MAP3K6: variants seen among roughly 807,000 people sequenced by gnomAD.
The protein encoded by MAP3K6 is mitogen-activated protein kinase kinase kinase 6, also known as apoptosis signal-regulating kinase 2.
In MAP3K6, 105 loss-of-function variants were observed where a neutral mutation model predicts 147.1. The observed-to-expected ratio is 0.71, with a 90% confidence interval of 0.61 to 0.84. The LOEUF is 0.84. Among genes scored for constraint, MAP3K6 ranks in the 40% least tolerant of loss-of-function variants. MAP3K6 has a pLI of 0.00. For missense variants in MAP3K6, 1,569 were observed against 1,715.0 expected (o/e 0.91, Z 1.50); for synonymous variants, 695 against 732.4 (o/e 0.95, Z 0.82).
chr1:27,355,572 G>A (rs1322431865), intron 28 of MAP3K6, 97 bp downstream of exon 28: 2 of 1,577,306 alleles, frequency 1.3e-6, no homozygotes, highest in African/African-American at 1.3e-5. Flanking sequence ...GGGGACCCAG[G>A]TGCCCCTTTG....
At position 27,357,517 on chromosome 1, in the gene MAP3K6, G is replaced by C; in HGVS notation, c.3141C>G (p.Ile1047Met). The C allele has an allele frequency of 1.2e-6, 2 of 1,613,536 alleles. No homozygotes were observed. Among genetic ancestry groups the C allele is most frequent in the Middle Eastern group, 1.7e-4 (1 of 6,058 alleles). ...CGAGCTGCCGGCGGTTGGGAGTGTG[G>C]ATGTGTGCCCCGAGGCAGCGCAGCA... ...EELLRCLGAHIHTPNRRQLAQ... is the reference protein window; with the variant it reads ...EELLRCLGAHMHTPNRRQLAQ... The change falls in exon 23 of 29, where the codon ATC becomes ATG. Residue 1047 changes from isoleucine to methionine, a missense_variant. Coordinates refer to ENST00000357582, the MANE Select transcript of MAP3K6 (RefSeq NM_004672.5).
chr1:27,365,006 G>A (rs2015927051), intron 1 of MAP3K6, 94 bp from the exon 2 acceptor site: 1 of 1,353,084 alleles, frequency 7.4e-7, no homozygotes, highest in East Asian at 2.4e-5. Context: ...CTTGCTGTGG[G>A]ACTCCAGTAG....
chr1:27,357,027 G>A lies in MAP3K6; in HGVS notation c.3346C>T (p.Leu1116=), dbSNP rs912793853. 1.9e-6 allele frequency: 3 copies of A among 1,613,866 alleles called. No individual in the cohort carries two copies. The African/African-American group carries it at 4.0e-5, about 22-fold the overall frequency. The change falls in exon 24 of 29, where the codon CTG becomes TTG. Residue 1116 remains leucine, a synonymous_variant. Coordinates refer to ENST00000357582, the MANE Select transcript of MAP3K6 (RefSeq NM_004672.5). ...CTCCTACCCGGTCCTAGCACACCCA[G>A]GGCTGCCCGCACAGCACGGCTGAGC... is the stretch of plus-strand genomic sequence containing the variant. The part of the protein sequence containing the change: ...SLLSRAVRAA[L]GVLGPEVEKE...
intron 26 of MAP3K6, 129 bp downstream of exon 26, chr1:27,356,259 A>G: frequency 9.1e-7 from 1 of 1,102,944 alleles, no homozygotes; most frequent in Non-Finnish European, 1.3e-6. Context: ...CCTCGAACCC[A>G]CCAATAATGT....
chr1:27,357,992 T>C, intron 21 of MAP3K6, 116 bp from the exon 22 acceptor site: 4 of 1,473,086 alleles, frequency 2.7e-6, no homozygotes, highest in Non-Finnish European at 3.6e-6. Context: ...GGCATGAACA[T>C]AGATAAACCC....
Position 27,362,127 on chromosome 1 carries a change from G to A in MAP3K6, c.1379C>T (p.Ala460Val). 7 of 1,613,624 alleles carry A rather than the reference G, an allele frequency of 4.3e-6. No homozygotes were observed. Among genetic ancestry groups the A allele is most frequent in the Non-Finnish European group, 5.9e-6 (7 of 1,179,876 alleles). ...LANDPTQVVL[A>V]AEQLYKLNAP... ...ATTGAGCTTATACAGCTGCTCTGCA[G>A]CCAGCACCACCTGGGTGGGGTCATT... The change falls in exon 9 of 29, where the codon GCT becomes GTT. Residue 460 changes from alanine to valine, a missense_variant. Coordinates refer to ENST00000357582, the MANE Select transcript of MAP3K6 (RefSeq NM_004672.5).
chr1:27,359,548 T>C lies in MAP3K6; in HGVS notation c.2320-26A>G. The C allele has an allele frequency of 1.2e-6, 2 of 1,613,890 alleles. No homozygotes were observed. The highest frequency in any genetic ancestry group is 1.1e-5 in the South Asian group (1 of 91,056). ...CTGATTGACAGCCATTAGTGGACACTGGTCTGGGCCCCTGCCAGCAGAAGT... is the reference window on the plus strand; with the variant it reads ...CTGATTGACAGCCATTAGTGGACACCGGTCTGGGCCCCTGCCAGCAGAAGT... On this transcript the variant is annotated intron_variant, in intron 17 of 28. Coordinates refer to ENST00000357582, the MANE Select transcript of MAP3K6 (RefSeq NM_004672.5). This position sits in a 1 kb window ranked among gnomAD's most constrained non-coding sequence, Gnocchi z 4.4.
rs768222940 is a variant in MAP3K6 at position 27,358,687 on chromosome 1, GC to G, written c.2583+21del. 2.5e-6 allele frequency: 4 copies of G among 1,613,576 alleles called. No homozygotes were observed. The highest frequency in any genetic ancestry group is 3.4e-6 in the Non-Finnish European group (4 of 1,179,968). ...GGCTGGCCCTATGCCACTTCCATGG[GC>G]CAGGCCCAAAGAGGTCTCACCTGAA... is the stretch of plus-strand genomic sequence containing the variant. On this transcript the variant is annotated intron_variant, in intron 19 of 28. Transcript: ENST00000357582. This position sits in a 1 kb window ranked among gnomAD's most constrained non-coding sequence, Gnocchi z 6.2.
At position 27,364,481 on chromosome 1, in the gene MAP3K6, G is replaced by A; in HGVS notation, c.505-87C>T. The A allele has an allele frequency of 4.5e-6, 7 of 1,562,892 alleles. No individual in the cohort carries two copies. The South Asian group carries it at 7.8e-5, about 18-fold the overall frequency. The stretch of plus-strand genomic sequence containing the variant: ...GTGAGAGCATCAAAGGTCAGCATCA[G>A]TGGGAATTGGAATCGCAGGAAAGGG... On this transcript the variant is annotated intron_variant, in intron 3 of 28. Transcript: ENST00000357582. This position sits in a 1 kb window ranked among gnomAD's most constrained non-coding sequence, Gnocchi z 4.4.
chr1:27,356,524 T>G, intron 25 of MAP3K6, 24 bp from the exon 26 acceptor site: 1 of 1,612,414 alleles, frequency 6.2e-7, no homozygotes, highest in Non-Finnish European at 8.5e-7. Flanking sequence ...AAGAGTAGAA[T>G]GGAGCGGTGA....
At position 27,361,689 on chromosome 1, in the gene MAP3K6, C is replaced by T. The variant is rs2015778816; in HGVS notation, c.1578+16G>A. 2.5e-6 allele frequency: 4 copies of T among 1,613,796 alleles called. No individual in the cohort carries two copies. Among genetic ancestry groups the T allele is most frequent in the East Asian group, 4.5e-5 (2 of 44,876 alleles). ...GCTTACCCCTTTCCCGGGTCCACCACCCCTACAGGCCTCACCAAGCACTGG... is the reference window on the plus strand; with the variant it reads ...GCTTACCCCTTTCCCGGGTCCACCATCCCTACAGGCCTCACCAAGCACTGG... On this transcript the variant is annotated intron_variant, in intron 10 of 28. Transcript: ENST00000357582.
rs2015672070 is a variant in MAP3K6, at chr1:27,359,721, A to T, written c.2319+137T>A. On this transcript the variant is annotated intron_variant, in intron 17 of 28. Coordinates refer to ENST00000357582, the MANE Select transcript of MAP3K6 (RefSeq NM_004672.5). This position sits in a 1 kb window ranked among gnomAD's most constrained non-coding sequence, Gnocchi z 4.4. Reference sequence around the variant, plus strand: ...AGCTGAACCTTTCCCCTCCTTCTCTAAGGAGCCTCCCTGATGAATTCCCTA... The same window carrying T: ...AGCTGAACCTTTCCCCTCCTTCTCTTAGGAGCCTCCCTGATGAATTCCCTA... The T allele has an allele frequency of 7.0e-7, 1 of 1,419,360 alleles. No individual in the cohort carries two copies. Among genetic ancestry groups the T allele is most frequent in the Admixed American group, 2.1e-5 (1 of 48,134 alleles). The allele number at this position is 1,419,360 out of a possible 1,614,324, so 87.9% of individuals were successfully genotyped here.
chr1:27,364,860 G>A lies in MAP3K6; in HGVS notation c.393C>T (p.Tyr131=). 1.2e-6 allele frequency: 2 copies of A among 1,611,872 alleles called. No homozygotes were observed. The highest frequency in any genetic ancestry group is 2.2e-5 in the South Asian group (2 of 90,956). The stretch of plus-strand genomic sequence containing the variant: ...TGAAGCTCTCACGCACACCAAGGTG[G>A]TAGAACAGGGAGGGCTGTACCAGCG... ...SSSLVQPSLF[Y]HLGVRESFSM... Residue 131 remains tyrosine (Y), a synonymous_variant, in exon 2 of 29, where the codon TAC becomes TAT. Coordinates refer to ENST00000357582, the MANE Select transcript of MAP3K6 (RefSeq NM_004672.5). The surrounding 1 kb of genome is among the most constrained non-coding windows in gnomAD (Gnocchi z 4.4).
At position 27,360,712 on chromosome 1, in the gene MAP3K6, C is replaced by G; in HGVS notation, c.2047G>C (p.Asp683His). The G allele has an allele frequency of 6.2e-7, 1 of 1,611,628 alleles. No homozygotes were observed. ...CGCTGCCACGCACCGCACCTGCTGT[C>G]CCGCTCCGGGATCTCCTTGATGGCG... ...RIAIKEIPER[D>H]SRFSQPLHEE... is the part of the protein sequence containing the mutation. The change falls in exon 15 of 29, where the codon GAC (aspartate) becomes CAC (histidine). Residue 683 changes from aspartate to histidine, a missense_variant. By Grantham distance (81) the Asp-to-His change is moderately conservative. Coordinates refer to ENST00000357582, the MANE Select transcript of MAP3K6 (RefSeq NM_004672.5). The surrounding 1 kb of genome is among the most constrained non-coding windows in gnomAD (Gnocchi z 4.5).
In MAP3K6 at chr1:27,360,907, T is replaced by G; in HGVS notation, c.1920+14A>C. On this transcript the variant is annotated intron_variant, in intron 14 of 28. Transcript: ENST00000357582. The surrounding 1 kb of genome is among the most constrained non-coding windows in gnomAD (Gnocchi z 4.5). ...CCCCTCGCCCTCCGCGAGCTCCCAG[T>G]CCCGCGTCCTCACCTCCAACATCTC... 1 of 1,607,878 alleles carries G rather than the reference T, an allele frequency of 6.2e-7. No homozygotes were observed. Among genetic ancestry groups the G allele is most frequent in the Non-Finnish European group, 8.5e-7 (1 of 1,176,786 alleles).
At position 27,364,390 on chromosome 1, in the gene MAP3K6, C is replaced by A; in HGVS notation, c.509G>T (p.Cys170Phe). 2 of 1,613,830 alleles carry A rather than the reference C, an allele frequency of 1.2e-6. No homozygotes were observed. The highest frequency in any genetic ancestry group is 1.7e-6 in the Non-Finnish European group (2 of 1,179,886). ...GGGGATCAGTGTGTAGCTGCCAACGCAATCCTGGTGGGAGGGAGGCAGGAA... is the reference window on the plus strand; with the variant it reads ...GGGGATCAGTGTGTAGCTGCCAACGAAATCCTGGTGGGAGGGAGGCAGGAA... ...REDVFQKNSDCVGSYTLIPYV... is the reference protein window; with the variant it reads ...REDVFQKNSDFVGSYTLIPYV... The change falls in exon 4 of 29, where the codon TGC (cysteine) becomes TTC (phenylalanine). Residue 170 changes from cysteine (C) to phenylalanine (F), a missense_variant. Cys to Phe is a radical substitution (Grantham distance 205). Transcript: ENST00000357582. This position sits in a 1 kb window ranked among gnomAD's most constrained non-coding sequence, Gnocchi z 4.4.
At position 27,358,787 on chromosome 1, in the gene MAP3K6, C is replaced by T. The variant is rs762052444; in HGVS notation, c.2505G>A (p.Leu835=). 1 of 1,613,750 alleles carries T rather than the reference C, an allele frequency of 6.2e-7. No individual in the cohort carries two copies. The highest frequency in any genetic ancestry group is 1.1e-5 in the South Asian group (1 of 91,032). Residue 835 remains leucine (L), a synonymous_variant, in exon 19 of 29, where the codon CTG becomes CTA. Coordinates refer to ENST00000357582, the MANE Select transcript of MAP3K6 (RefSeq NM_004672.5). This position sits in a 1 kb window ranked among gnomAD's most constrained non-coding sequence, Gnocchi z 6.2. ...TGGCCATCTCAATGACAGTGCAGCCCAGTGACCAGATGTCAGCTGCTTTCC... is the reference window on the plus strand; with the variant it reads ...TGGCCATCTCAATGACAGTGCAGCCTAGTGACCAGATGTCAGCTGCTTTCC... ...GYGKAADIWS[L]GCTVIEMATG...
Position 27,362,107 on chromosome 1 carries a change from G to A in MAP3K6, c.1399C>T (p.Leu467Phe). 2 of 1,612,728 alleles carry A rather than the reference G, an allele frequency of 1.2e-6. No individual in the cohort carries two copies. Among genetic ancestry groups the A allele is most frequent in the Non-Finnish European group, 1.7e-6 (2 of 1,179,394 alleles). The change falls in exon 9 of 29, where the codon CTC becomes TTC. Residue 467 changes from leucine (L) to phenylalanine (F), a missense_variant. Leu to Phe is a conservative substitution (Grantham distance 22). Transcript: ENST00000357582. ...VVLAAEQLYK[L>F]NAPIWYLVSV... is the part of the protein sequence containing the mutation. ...GCCACCTACCATATGGGGGCATTGA[G>A]CTTATACAGCTGCTCTGCAGCCAGC...
chr1:27,363,901 T>G lies in MAP3K6; in HGVS notation c.864+16A>C. The stretch of plus-strand genomic sequence containing the variant: ...CAAATGCCAGCTGCCCTACTGCCTC[T>G]CTGAACACCACGCACCTGCACATCG... On this transcript the variant is annotated intron_variant, in intron 5 of 28. Transcript: ENST00000357582. 2.6e-6 allele frequency: 4 copies of G among 1,560,210 alleles called. No homozygotes were observed. The highest frequency in any genetic ancestry group is 3.5e-6 in the Non-Finnish European group (4 of 1,152,002).
Sources: allele counts gnomAD v4.1 joint callset, GRCh38; gene constraint gnomAD v4.1.1; non-coding constraint Gnocchi (gnomAD v3.1); transcripts MANE v1.5; gene names NCBI Gene and HGNC (gene_info 2026-07-23, HGNC 2026-07-21).